Variants in ABI1 observed in about 807,000 individuals in gnomAD.
The protein encoded by ABI1 is abl interactor 1.
ABI1 carries 14 observed loss-of-function variants against 54.6 expected under a neutral mutation model. The observed-to-expected ratio is 0.26, with a 90% confidence interval of 0.17 to 0.40. The LOEUF (loss-of-function observed/expected upper bound fraction) is 0.40, where lower values mean the gene tolerates loss of function less well. Among genes scored for constraint, ABI1 ranks in the 10% least tolerant of loss-of-function variants. The pLI is 1.00. For missense variants in ABI1, 443 were observed against 598.3 expected, an observed-to-expected ratio of 0.74 and a Z score of 2.71; for synonymous variants, 194 against 209.3, an observed-to-expected ratio of 0.93 and a Z score of 0.63.
chr10:26,749,201 C>A (rs1342584766), intron 10 of ABI1, among the ~76,000 whole-genome samples: 1 of 152,070 alleles, frequency 6.6e-6, no homozygotes, highest in Non-Finnish European at 1.5e-5. Flanking sequence ...TTCAAGGACC[C>A]ATGCTAATTT....
intron 1 of ABI1, among the ~76,000 whole-genome samples, chr10:26,842,187 T>C (rs1040775677): frequency 6.6e-6 from 1 of 152,240 alleles, no homozygotes; most frequent in Non-Finnish European, 1.5e-5. Flanking sequence ...GCTAATGCTG[T>C]TGAGTACCTT....
intron 2 of ABI1, among the ~76,000 whole-genome samples, chr10:26,792,088 A>G (rs1336823907): frequency 6.6e-6 from 1 of 152,186 alleles, no homozygotes; most frequent in Non-Finnish European, 1.5e-5. Flanking sequence ...ATACACATAC[A>G]TGCGATTTAA....
Position 26,823,179 on chromosome 10 carries a change from G to T in ABI1, c.244C>A (p.Gln82Lys). The change falls in exon 2 of 11, where the codon CAG becomes AAG. Residue 82 changes from glutamine (Q) to lysine (K), a missense_variant. Physicochemically the swap from Gln to Lys is moderately conservative, Grantham distance 53. Coordinates refer to ENST00000376140, the MANE Select transcript of ABI1 (RefSeq NM_001012750.3). ...VLQLLDIQASQLRRMESSINH... is the reference protein window; with the variant it reads ...VLQLLDIQASKLRRMESSINH... Reference sequence around the variant, plus strand: ...ATGGAAGACTCCATTCTCCGAAGCTGAGAGGCTTGGATATCCAGCAACTGG... The same window carrying T: ...ATGGAAGACTCCATTCTCCGAAGCTTAGAGGCTTGGATATCCAGCAACTGG... The T allele has an allele frequency of 6.2e-7, 1 of 1,601,542 alleles. No individual in the cohort carries two copies. Among genetic ancestry groups the T allele is most frequent in the Non-Finnish European group, 8.5e-7 (1 of 1,176,268 alleles).
intron 3 of ABI1, among the ~76,000 whole-genome samples, chr10:26,776,184 G>T (rs1430136882): frequency 6.6e-6 from 1 of 152,176 alleles, no homozygotes; most frequent in Non-Finnish European, 1.5e-5. Context: ...GTCTCAGAGA[G>T]GGGCAGAATA....
At chr10:26,780,466 TC>T (rs1315717147) in intron 2 of ABI1, among the ~76,000 whole-genome samples, 3 of 152,174 alleles carry the variant, frequency 2.0e-5, no homozygotes, top group African/African-American at 7.2e-5. Context: ...ACTCCTGGGC[TC>T]AAGCAATAAC....
In ABI1 at chr10:26,746,596, T is replaced by C. The variant is rs1411250057; in HGVS notation, c.*1974A>G. On this transcript the variant is annotated 3_prime_UTR_variant, in exon 11 of 11. Transcript: ENST00000376140. Reference sequence around the variant, plus strand: ...ATCATTTTAAAAGATATCAAACTTATTGATGGGCAATTTATTTTTTTTTAT... The same window carrying C: ...ATCATTTTAAAAGATATCAAACTTACTGATGGGCAATTTATTTTTTTTTAT... 6.7e-6 allele frequency: 7 copies of C among 1,043,748 alleles called. No homozygotes were observed. Among genetic ancestry groups the C allele is most frequent in the South Asian group, 1.4e-5 (1 of 70,894 alleles). 64.7% of individuals were successfully genotyped at this position (1,043,748 alleles called of 1,614,324 possible).
chr10:26,838,422 G>C (rs1306847581), intron 1 of ABI1, among the ~76,000 whole-genome samples: 1 of 152,168 alleles, frequency 6.6e-6, no homozygotes, highest in African/African-American at 2.4e-5. Flanking sequence ...GGAAGGAGCA[G>C]AGGACAGGGT....
intron 1 of ABI1, among the ~76,000 whole-genome samples, chr10:26,836,076 A>G (rs1409387759): frequency 6.6e-6 from 1 of 151,590 alleles, no homozygotes; most frequent in African/African-American, 2.4e-5. Flanking sequence ...AATTTTAATG[A>G]CATGGATAAT....
chr10:26,792,996 C>A, intron 2 of ABI1, among the ~76,000 whole-genome samples: 1 of 152,122 alleles, frequency 6.6e-6, no homozygotes. Context: ...CACTACTTAA[C>A]GTTCCATGGA....
In ABI1 at chr10:26,843,453, C is replaced by CAAAAAAAAAA. The variant is rs147957853; in HGVS notation, c.117+17284_117+17293dup. 2.3e-4 allele frequency among the ~76,000 whole-genome samples: 12 copies of CAAAAAAAAAA among 53,074 alleles called. 3 individuals are homozygous for CAAAAAAAAAA. Among genetic ancestry groups the CAAAAAAAAAA allele is most frequent in the Non-Finnish European group, 4.8e-4 (12 of 24,854 alleles). The allele number at this position is 53,074 out of a possible 152,430, so 34.8% of individuals were successfully genotyped here. A position where few individuals can be genotyped will look rare whatever the true frequency, so the allele number is the denominator to read the frequency against. Reference sequence around the variant, plus strand: ...TTTATGACATAGCAAGACTCCGTCTCAAAAAAAAAAAAAAAAAAAAAAAAA... The same window carrying CAAAAAAAAAA: ...TTTATGACATAGCAAGACTCCGTCTCAAAAAAAAAAAAAAAAAAAAAAAAAAAAAAAAAAA... On this transcript the variant is annotated intron_variant, in intron 1 of 10. Transcript: ENST00000376140.
intron 2 of ABI1, among the ~76,000 whole-genome samples, chr10:26,799,270 A>T (rs186101311): frequency 1.2e-3 from 178 of 152,138 alleles, no homozygotes; most frequent in Middle Eastern, 6.8e-3. Context: ...AATATATAGT[A>T]TATTAATATA....
chr10:26,844,759 C>T (rs2049847240), intron 1 of ABI1, among the ~76,000 whole-genome samples: 2 of 152,178 alleles, frequency 1.3e-5, no homozygotes, highest in South Asian at 2.1e-4. Context: ...AAATAGATAC[C>T]GGTTAAATAA....
rs956421363 is a variant in ABI1 at position 26,827,872 on chromosome 10, C to G, written c.118-4567G>C. 9.9e-5 allele frequency among the ~76,000 whole-genome samples: 15 copies of G among 152,068 alleles called. 1 individual carries two copies. Among genetic ancestry groups the G allele is most frequent in the Non-Finnish European group, 1.5e-4 (10 of 67,986 alleles). On this transcript the variant is annotated intron_variant, in intron 1 of 10. Transcript: ENST00000376140. The stretch of plus-strand genomic sequence containing the variant: ...CCTCCCAAAGTGCTGGGATTACAGG[C>G]GTGAGCCACCGCACCCGGCCAGCTT...
intron 2 of ABI1, among the ~76,000 whole-genome samples, chr10:26,778,627 T>C (rs1841731251): frequency 6.6e-6 from 1 of 152,172 alleles, no homozygotes. Flanking sequence ...TCAAAAATGC[T>C]ATCCCAATTC....
At chr10:26,790,233 A>C (rs1437988933) in intron 2 of ABI1, among the ~76,000 whole-genome samples, 3 of 152,160 alleles carry the variant, frequency 2.0e-5, no homozygotes, top group Non-Finnish European at 4.4e-5. Flanking sequence ...GGTTGAACTA[A>C]TTTACATTCC....
chr10:26,818,432 A>C (rs930566480), intron 2 of ABI1, among the ~76,000 whole-genome samples: 5 of 151,968 alleles, frequency 3.3e-5, no homozygotes, highest in Non-Finnish European at 7.4e-5. Flanking sequence ...CAACCTGGCC[A>C]ACATGGTGAA....
chr10:26,853,566 C>T (rs2050582332), intron 1 of ABI1, among the ~76,000 whole-genome samples: 1 of 144,126 alleles, frequency 6.9e-6, no homozygotes, highest in African/African-American at 2.5e-5. Flanking sequence ...GAGTCTCGCT[C>T]TGTCACCCAG....
chr10:26,788,772 C>A (rs143961896), intron 2 of ABI1, among the ~76,000 whole-genome samples: 5 of 151,788 alleles, frequency 3.3e-5, no homozygotes, highest in Non-Finnish European at 4.4e-5. Flanking sequence ...ATTAGCTGGG[C>A]GTGGTTGGCG....
At chr10:26,755,879 C>CA (rs1838241906) in intron 8 of ABI1, 138 bp from the exon 9 acceptor site, 2 of 545,630 alleles carry the variant, frequency 3.7e-6, no homozygotes, top group South Asian at 3.6e-5. Context: ...CAAAACAAAA[C>CA]AAAAAACAAA....
Sources: allele counts gnomAD v4.1 joint callset (sites outside exome capture counted in the v4.1 genomes callset), GRCh38; gene constraint gnomAD v4.1.1; transcripts MANE v1.5; gene names NCBI Gene and HGNC (gene_info 2026-07-23, HGNC 2026-07-21).